CLDN2: variants seen among roughly 807,000 people sequenced by gnomAD.
CLDN2 encodes claudin 2, also known as claudin-2.
In CLDN2, 1 loss-of-function variant was observed where a neutral mutation model predicts 8.2. That is an observed-to-expected ratio of 0.12 (90% CI 0.04 to 0.58). The LOEUF (loss-of-function observed/expected upper bound fraction) is 0.58. Among genes scored for constraint, CLDN2 ranks in the 20% least tolerant of loss-of-function variants. The pLI is 0.90. For synonymous variants in CLDN2, 70 were observed against 70.2 expected, an observed-to-expected ratio of 1.00 and a Z score of 0.01; for missense variants, 108 against 172.9, an observed-to-expected ratio of 0.62 and a Z score of 2.11.
intron 1 of CLDN2, among the ~76,000 whole-genome samples, chrX:106,923,141 A>C (rs1372770716): frequency 9.0e-6 from 1 of 110,869 alleles, no homozygotes; most frequent in African/African-American, 3.3e-5. Flanking sequence ...CGCCCAACTA[A>C]TTTTTGTATT....
At chrX:106,925,085 G>A (rs993416691) in intron 1 of CLDN2, among the ~76,000 whole-genome samples, 1 of 111,264 alleles carries the variant, frequency 9.0e-6, no homozygotes, top group African/African-American at 3.3e-5. Flanking sequence ...GTTTAAACAG[G>A]AAATTGCAAC....
chrX:106,901,339 G>A, intron 1 of CLDN2: 1 of 621,998 alleles, frequency 1.6e-6, no homozygotes, highest in Non-Finnish European at 2.5e-6. Context: ...ACCTCTCTGG[G>A]CTCCAGTTTT....
upstream of CLDN2, among the ~76,000 whole-genome samples, chrX:106,914,203 G>A (rs183327680): frequency 2.1e-3 from 232 of 109,691 alleles, 3 homozygotes; most frequent in African/African-American, 7.3e-3. Context: ...CACCCACCTC[G>A]GCCTCCCAAA....
chrX:106,913,609 G>A (rs1259474353), upstream of CLDN2, among the ~76,000 whole-genome samples: 7 of 111,953 alleles, frequency 6.3e-5, 1 homozygote, highest in African/African-American at 3.2e-5. Flanking sequence ...TTATCATCTC[G>A]CAGTTATATA....
rs1205169441 is a variant in CLDN2 at position 106,930,134 on chromosome X, G to A, written c.*1213G>A. ...AGCCTCTGAAAGACCATAGCACCAA[G>A]CGAGCCCCTTCAGATTCCCCCACTG... is the stretch of plus-strand genomic sequence containing the variant. On this transcript the variant is annotated 3_prime_UTR_variant, in exon 2 of 2. Transcript: ENST00000336803. The A allele has an allele frequency of 8.1e-6, 1 of 122,973 alleles. No individual in the cohort carries two copies. The highest frequency in any genetic ancestry group is 2.8e-4 in the East Asian group (1 of 3,520). 10.1% of individuals were successfully genotyped at this position (122,973 alleles called of 1,213,427 possible).
chrX:106,907,005 G>A (rs1024833873), intron 1 of CLDN2, among the ~76,000 whole-genome samples: 5 of 110,809 alleles, frequency 4.5e-5, no homozygotes, highest in Admixed American at 9.6e-5. Flanking sequence ...CTAGACTTCC[G>A]CTTTTCCTGG....
chrX:106,922,247 C>G (rs906077958), intron 1 of CLDN2, among the ~76,000 whole-genome samples: 1 of 112,518 alleles, frequency 8.9e-6, no homozygotes, highest in East Asian at 2.8e-4. Context: ...AAAGCTGAAC[C>G]CCCCCTCCAT....
In CLDN2 at chrX:106,930,394, C is replaced by T. The variant is rs1289881056; in HGVS notation, c.*1473C>T. 3.3e-5 allele frequency: 4 copies of T among 123,004 alleles called. No homozygotes were observed. Among genetic ancestry groups the T allele is most frequent in the Non-Finnish European group, 7.5e-5 (4 of 53,160 alleles). The allele number at this position is 123,004 out of a possible 1,213,427, so 10.1% of individuals were successfully genotyped here. ...GGGTCATACACCAAAGGTATTTTCCCTCACCAGTCTAGGCATGACTGGCTT... is the reference window on the plus strand; with the variant it reads ...GGGTCATACACCAAAGGTATTTTCCTTCACCAGTCTAGGCATGACTGGCTT... On this transcript the variant is annotated 3_prime_UTR_variant, in exon 2 of 2. Coordinates refer to ENST00000336803, the MANE Select transcript of CLDN2 (RefSeq NM_020384.4).
intron 1 of CLDN2, among the ~76,000 whole-genome samples, chrX:106,904,097 C>T (rs755064561): frequency 5.6e-4 from 63 of 112,358 alleles, no homozygotes; most frequent in African/African-American, 2.0e-3. Flanking sequence ...AAGTTCTGCC[C>T]GACTACAGAG....
chrX:106,900,460 C>G (rs1224201109), exon 1 of CLDN2: 1 of 271,307 alleles, frequency 3.7e-6, no homozygotes, highest in East Asian at 7.2e-5. Context: ...ACAACAGCAG[C>G]CCAGACAATG....
chrX:106,917,629 A>G (rs1193741388), upstream of CLDN2, among the ~76,000 whole-genome samples: 1 of 110,064 alleles, frequency 9.1e-6, no homozygotes, highest in Non-Finnish European at 1.9e-5. Flanking sequence ...TCATAGCATC[A>G]TTTCCTCCCT....
chrX:106,919,572 C>T (rs1449644177), upstream of CLDN2, among the ~76,000 whole-genome samples: 1 of 111,331 alleles, frequency 9.0e-6, no homozygotes, highest in Non-Finnish European at 1.9e-5. Flanking sequence ...CAACCTCCGC[C>T]TCCTGGGTCC....
chrX:106,917,914 C>A (rs192457367), upstream of CLDN2, among the ~76,000 whole-genome samples: 138 of 111,296 alleles, frequency 1.2e-3, no homozygotes, highest in African/African-American at 4.2e-3. Flanking sequence ...TACTAAAGAA[C>A]CTCCTAGGCT....
In CLDN2 at chrX:106,928,629, T is replaced by C; in HGVS notation, c.401T>C (p.Ile134Thr). 8.3e-7 allele frequency: 1 copy of C among 1,211,943 alleles called. No homozygotes were observed. The highest frequency in any genetic ancestry group is 1.1e-6 in the Non-Finnish European group (1 of 895,503). ...FFILGGLLGF[I>T]PVAWNLHGIL... is the part of the protein sequence containing the mutation. ...ATCCTTGGAGGCCTCCTGGGATTCA[T>C]TCCTGTTGCCTGGAATCTTCATGGG... is the stretch of plus-strand genomic sequence containing the variant. The change falls in exon 2 of 2, where the codon ATT becomes ACT. Residue 134 changes from isoleucine to threonine, a missense_variant. Physicochemically the swap from Ile to Thr is moderately conservative, Grantham distance 89. Around this residue, in one of 2 missense-constraint regions of CLDN2, gnomAD observed 81 missense variants for 100.8 expected, o/e 0.80. Coordinates refer to ENST00000336803, the MANE Select transcript of CLDN2 (RefSeq NM_020384.4).
chrX:106,922,242 T>C (rs757723293), intron 1 of CLDN2, among the ~76,000 whole-genome samples: 5 of 112,566 alleles, frequency 4.4e-5, no homozygotes, highest in Non-Finnish European at 7.5e-5. Flanking sequence ...GGTGGAAAGC[T>C]GAACCCCCCC....
upstream of CLDN2, chrX:106,918,223 G>C (rs1475710148): frequency 1.8e-5 from 2 of 112,095 alleles, no homozygotes; most frequent in Non-Finnish European, 3.8e-5. Context: ...TGGGAATTCG[G>C]CTGGGTGAAG....
chrX:106,909,220 C>G (rs959771758), intron 1 of CLDN2, among the ~76,000 whole-genome samples: 1 of 112,125 alleles, frequency 8.9e-6, no homozygotes, highest in Non-Finnish European at 1.9e-5. Context: ...CACAAACAAC[C>G]CAGTGAGGAA....
rs1010613160 is a variant in CLDN2 at position 106,929,931 on chromosome X, T to A, written c.*1010T>A. Reference sequence around the variant, plus strand: ...TGACAGTGTGGGAGCTGTGGGGTACTGAGGAAGACACCATTCCTTGACGGT... The same window carrying A: ...TGACAGTGTGGGAGCTGTGGGGTACAGAGGAAGACACCATTCCTTGACGGT... On this transcript the variant is annotated 3_prime_UTR_variant, in exon 2 of 2. Transcript: ENST00000336803. 1 of 123,374 alleles carries A rather than the reference T, an allele frequency of 8.1e-6. No homozygotes were observed. Among genetic ancestry groups the A allele is most frequent in the African/African-American group, 3.3e-5 (1 of 30,763 alleles). The allele number at this position is 123,374 out of a possible 1,213,427, so 10.2% of individuals were successfully genotyped here.
At position 106,903,532 on chromosome X, in the gene CLDN2, A is replaced by G. The variant is rs760538170; in HGVS notation, c.-179+3028A>G. ...ACATGGTGTCAGTGGGAGGTGAGGG[A>G]TTTGCTTTGCCTCCAAGTCAGAAAG... On this transcript the variant is annotated intron_variant, in intron 1 of 1. Transcript: ENST00000541806. Among the ~76,000 whole-genome samples the G allele has an allele frequency of 8.1e-5, 9 of 111,589 alleles. No homozygotes were observed. The South Asian group carries it at 3.4e-3, about 43-fold the overall frequency.
Sources: allele counts gnomAD v4.1 joint callset (sites outside exome capture counted in the v4.1 genomes callset), GRCh38; gene constraint gnomAD v4.1.1; regional missense constraint gnomAD v4.1.1; transcripts MANE v1.5; gene names NCBI Gene and HGNC (gene_info 2026-07-23, HGNC 2026-07-21).